The following SNX2 variants were observed in gnomAD, a reference collection of about 807,000 sequenced individuals.
SNX2 encodes sorting nexin 2, also known as sorting nexin-2.
SNX2 carries 25 observed loss-of-function variants against 69.9 expected under a neutral mutation model. That is an observed-to-expected ratio of 0.36 (90% CI 0.26 to 0.50). The LOEUF is 0.50. SNX2 is among the 20% of genes least tolerant of loss of function. The pLI, the probability that SNX2 is intolerant of heterozygous loss-of-function variation, is 0.97. For synonymous variants in SNX2, 229 were observed against 200.4 expected (o/e 1.14, Z -1.20); for missense variants, 551 against 613.3 (o/e 0.90, Z 1.07).
Position 122,827,487 on chromosome 5 carries a change from TAAC to T in SNX2, c.1437+33_1437+35del, listed in dbSNP as rs542219413. ...ATGTATAATAATTTTGCATTTATCT[TAAC>T]AACATGGTCACATTTTGCTGCAATT... On this transcript the variant is annotated intron_variant, in intron 13 of 14. Coordinates refer to ENST00000379516, the MANE Select transcript of SNX2 (RefSeq NM_003100.4). 5,470 of 1,606,940 alleles carry T rather than the reference TAAC, an allele frequency of 3.4e-3. 16 individuals carry two copies. The highest frequency in any genetic ancestry group is 6.8e-3 in the South Asian group (620 of 90,818).
chr5:122,799,964 GA>G, intron 3 of SNX2, 109 bp downstream of exon 3: 1 of 850,246 alleles, frequency 1.2e-6, no homozygotes, highest in East Asian at 2.9e-5. Context: ...GACATTTTGG[GA>G]AAAGAATATT....
intron 7 of SNX2, 42 bp downstream of exon 7, chr5:122,808,397 C>A: frequency 3.0e-6 from 4 of 1,346,858 alleles, no homozygotes; most frequent in Non-Finnish European, 4.2e-6. Flanking sequence ...CATGTTTGTA[C>A]CTTAATATAA....
At chr5:122,827,929 G>A (rs1754192272) in intron 14 of SNX2, 3 of 296,782 alleles carry the variant, frequency 1.0e-5, no homozygotes, top group African/African-American at 2.2e-5. Context: ...TGTCTTTCTA[G>A]TTTGTTTTCC....
intron 1 of SNX2, among the ~76,000 whole-genome samples, chr5:122,786,760 G>A (rs937796951): frequency 2.0e-5 from 3 of 151,554 alleles, no homozygotes; most frequent in Non-Finnish European, 4.4e-5. Flanking sequence ...CTCCTTAGTC[G>A]GCCTGCTATT....
At chr5:122,788,497 C>T (rs899893731) in intron 1 of SNX2, among the ~76,000 whole-genome samples, 2 of 152,198 alleles carry the variant, frequency 1.3e-5, no homozygotes, top group African/African-American at 2.4e-5. Context: ...CCTTCTGGAA[C>T]ATTTTGGTAT....
intron 1 of SNX2, among the ~76,000 whole-genome samples, chr5:122,793,573 A>G (rs1387578341): frequency 6.6e-6 from 1 of 152,198 alleles, no homozygotes; most frequent in African/African-American, 2.4e-5. Flanking sequence ...CTTTTGATAT[A>G]TACAGTTTTT....
intron 5 of SNX2, among the ~76,000 whole-genome samples, 165 bp downstream of exon 5, chr5:122,802,289 GTGT>G (rs1753534287): frequency 6.6e-6 from 1 of 152,162 alleles, no homozygotes; most frequent in Admixed American, 6.6e-5. Context: ...TTGATATGTA[GTGT>G]TCAGTGAGAG....
Position 122,829,698 on chromosome 5 carries a change from C to G in SNX2, c.*50C>G. 6.9e-7 allele frequency: 1 copy of G among 1,443,670 alleles called. No homozygotes were observed. The highest frequency in any genetic ancestry group is 9.7e-7 in the Non-Finnish European group (1 of 1,025,862). The allele number at this position is 1,443,670 out of a possible 1,614,324, so 89.4% of individuals were successfully genotyped here. ...GACCTTGGATGTTGTTCCAGTTATGCTGGATTCCACAGTGAAATCATTTAA... is the reference window on the plus strand; with the variant it reads ...GACCTTGGATGTTGTTCCAGTTATGGTGGATTCCACAGTGAAATCATTTAA... On this transcript the variant is annotated 3_prime_UTR_variant, in exon 15 of 15. Coordinates refer to ENST00000379516, the MANE Select transcript of SNX2 (RefSeq NM_003100.4).
At chr5:122,817,757 CTT>C (rs1438743001) in intron 10 of SNX2, among the ~76,000 whole-genome samples, 4 of 151,950 alleles carry the variant, frequency 2.6e-5, no homozygotes, top group East Asian at 3.8e-4. Flanking sequence ...AATAAAAAAA[CTT>C]GAGATTTGAA....
chr5:122,776,191 C>T (rs1037221658), intron 1 of SNX2, among the ~76,000 whole-genome samples: 3 of 152,118 alleles, frequency 2.0e-5, no homozygotes, highest in African/African-American at 7.2e-5. Flanking sequence ...AATAAGCTTT[C>T]TTGGCTTGTT....
chr5:122,808,368 A>T lies in SNX2; in HGVS notation c.722+13A>T, dbSNP rs2150011133. ...CAGCTCTTGAAAGGTAATTCTAGAC[A>T]GCTATATTTTATTACTCTCATGTTT... On this transcript the variant is annotated intron_variant, in intron 7 of 14. Transcript: ENST00000379516. 1 of 1,557,162 alleles carries T rather than the reference A, an allele frequency of 6.4e-7. No individual in the cohort carries two copies. Among genetic ancestry groups the T allele is most frequent in the Non-Finnish European group, 8.8e-7 (1 of 1,135,122 alleles).
At chr5:122,784,794 G>A (rs1753046140) in intron 1 of SNX2, among the ~76,000 whole-genome samples, 1 of 152,146 alleles carries the variant, frequency 6.6e-6, no homozygotes, top group Admixed American at 6.5e-5. Flanking sequence ...TCTTGAAGAG[G>A]TTGTGTGGAA....
chr5:122,792,986 A>G (rs1010205370), intron 1 of SNX2, among the ~76,000 whole-genome samples: 1 of 152,202 alleles, frequency 6.6e-6, no homozygotes, highest in Non-Finnish European at 1.5e-5. Context: ...AAATGTTGGC[A>G]AAGAATTGGA....
intron 1 of SNX2, among the ~76,000 whole-genome samples, chr5:122,776,483 C>G (rs1561435334): frequency 6.6e-6 from 1 of 151,908 alleles, no homozygotes; most frequent in Non-Finnish European, 1.5e-5. Flanking sequence ...CTTTTAATAG[C>G]CAAAAGCCGC....
At chr5:122,775,515 G>C (rs1870560) in intron 1 of SNX2, 620,191 of 1,071,638 alleles carry the variant, frequency 0.58, 181,379 homozygotes, top group African/African-American at 0.78. Flanking sequence ...TCTCTTGCAC[G>C]TCCTCCTCTT....
intron 7 of SNX2, among the ~76,000 whole-genome samples, chr5:122,812,166 A>G (rs989445255): frequency 2.6e-5 from 4 of 152,196 alleles, no homozygotes; most frequent in Non-Finnish European, 5.9e-5. Flanking sequence ...TAGTCATTCT[A>G]AAATATAAAT....
chr5:122,824,689 A>G (rs1056930069), intron 11 of SNX2, among the ~76,000 whole-genome samples: 1 of 152,292 alleles, frequency 6.6e-6, no homozygotes, highest in East Asian at 1.9e-4. Flanking sequence ...TTTTAATGCT[A>G]TTATCACATT....
intron 11 of SNX2, among the ~76,000 whole-genome samples, chr5:122,823,779 C>CATGT (rs1754082872): frequency 6.9e-6 from 1 of 145,828 alleles, no homozygotes; most frequent in Non-Finnish European, 1.5e-5. Flanking sequence ...AACATGTGGT[C>CATGT]GTGTGTGTGT....
intron 1 of SNX2, among the ~76,000 whole-genome samples, chr5:122,786,263 G>T (rs954916647): frequency 4.0e-5 from 6 of 151,652 alleles, no homozygotes; most frequent in Non-Finnish European, 8.8e-5. Flanking sequence ...TTTTTTTTAG[G>T]CAACATGTGT....
Sources: allele counts gnomAD v4.1 joint callset (sites outside exome capture counted in the v4.1 genomes callset), GRCh38; gene constraint gnomAD v4.1.1; transcripts MANE v1.5; gene names NCBI Gene and HGNC (gene_info 2026-07-23, HGNC 2026-07-21).